KLHL13: variants seen among roughly 807,000 people sequenced by gnomAD.
KLHL13 encodes the protein kelch-like protein 13.
In KLHL13, 10 loss-of-function variants were observed where a neutral mutation model predicts 37.1. The ratio of observed to expected loss-of-function variants is 0.27; its 90% CI spans 0.17 to 0.46. The LOEUF (loss-of-function observed/expected upper bound fraction) is 0.46, where lower values mean the gene tolerates loss of function less well. Ranked by LOEUF, KLHL13 falls within the 20% of genes least tolerant of loss-of-function variation. KLHL13 has a pLI of 1.00. For missense variants in KLHL13, 360 were observed against 509.3 expected, an observed-to-expected ratio of 0.71 and a Z score of 2.82; for synonymous variants, 163 against 181.2, an observed-to-expected ratio of 0.90 and a Z score of 0.81.
At chrX:117,908,397 C>T (rs1414542263) in intron 5 of KLHL13, among the ~76,000 whole-genome samples, 6 of 108,717 alleles carry the variant, frequency 5.5e-5, no homozygotes, top group African/African-American at 1.3e-4. Context: ...TCCCCTAGCC[C>T]CCCAACCCCA....
At chrX:117,943,520 C>A (rs1467959340) in intron 2 of KLHL13, among the ~76,000 whole-genome samples, 2 of 109,019 alleles carry the variant, frequency 1.8e-5, no homozygotes, top group African/African-American at 6.7e-5. Flanking sequence ...AGGCTTTGTT[C>A]GTTTCTTTTC....
intron 2 of KLHL13, among the ~76,000 whole-genome samples, chrX:117,939,701 C>T (rs1602572394): frequency 9.0e-6 from 1 of 111,341 alleles, no homozygotes; most frequent in African/African-American, 3.3e-5. Flanking sequence ...TAATCATGAG[C>T]TTTTTTTTCA....
chrX:118,030,948 C>T (rs5956857), intron 1 of KLHL13, among the ~76,000 whole-genome samples: 6,158 of 111,881 alleles, frequency 0.055, 408 homozygotes, highest in African/African-American at 0.19. Context: ...TTTCAACCAA[C>T]CCTCCTACTG....
At chrX:117,914,537 T>C (rs1392070015) in intron 4 of KLHL13, among the ~76,000 whole-genome samples, 2 of 111,375 alleles carry the variant, frequency 1.8e-5, no homozygotes, top group East Asian at 5.6e-4. Context: ...TAGGAAGAAA[T>C]CCAACAAGGT....
intron 1 of KLHL13, among the ~76,000 whole-genome samples, chrX:118,002,630 A>AT (rs1271967882): frequency 1.0e-3 from 110 of 107,675 alleles, no homozygotes; most frequent in African/African-American, 3.7e-3. Flanking sequence ...AAATAAATAA[A>AT]TAAATAAATA....
At chrX:117,972,905 T>A in exon 1 of KLHL13, 1 of 1,167,521 alleles carries the variant, frequency 8.6e-7, no homozygotes. Flanking sequence ...CATTCCACAC[T>A]GTACTGACAC....
At chrX:117,976,777 TA>T (rs1264315617), upstream of KLHL13, among the ~76,000 whole-genome samples, 1 of 111,682 alleles carries the variant, frequency 9.0e-6, no homozygotes, top group Admixed American at 9.5e-5. Flanking sequence ...ACTAATCAGT[TA>T]AAAAATACCT....
intron 1 of KLHL13, among the ~76,000 whole-genome samples, chrX:118,056,285 A>T: frequency 8.9e-6 from 1 of 112,483 alleles, no homozygotes; most frequent in Middle Eastern, 4.6e-3. Context: ...TGGCAACTAT[A>T]AAACATTGCT....
upstream of KLHL13, among the ~76,000 whole-genome samples, chrX:117,975,653 A>G (rs2053589683): frequency 8.9e-6 from 1 of 112,144 alleles, no homozygotes; most frequent in Non-Finnish European, 1.9e-5. Context: ...GGCCTCCCAA[A>G]GTGCTGGGAT....
At chrX:117,981,629 T>C (rs184687212) in intron 1 of KLHL13, among the ~76,000 whole-genome samples, 1 of 111,982 alleles carries the variant, frequency 8.9e-6, no homozygotes, top group Admixed American at 9.5e-5. Context: ...TCAGAGACAC[T>C]TGAGCATTTT....
chrX:118,035,348 A>G (rs1429146948), intron 1 of KLHL13, among the ~76,000 whole-genome samples: 3 of 107,144 alleles, frequency 2.8e-5, no homozygotes, highest in African/African-American at 7.5e-5. Context: ...CCTCAATAAA[A>G]TACTGGCAAA....
At chrX:118,105,857 G>A (rs1457006218) in intron 1 of KLHL13, among the ~76,000 whole-genome samples, 4 of 106,508 alleles carry the variant, frequency 3.8e-5, no homozygotes, top group African/African-American at 1.4e-4. Flanking sequence ...CAATTGAAAG[G>A]CTACAGATAT....
intron 4 of KLHL13, among the ~76,000 whole-genome samples, chrX:117,912,829 T>C (rs191781297): frequency 3.0e-4 from 34 of 111,984 alleles, no homozygotes; most frequent in African/African-American, 1.1e-3. Context: ...ATAGCTCATA[T>C]ACAACAGCTA....
chrX:117,913,679 C>T (rs189349943), intron 4 of KLHL13, among the ~76,000 whole-genome samples: 1 of 110,734 alleles, frequency 9.0e-6, no homozygotes, highest in East Asian at 2.9e-4. Context: ...CCCATCTCTA[C>T]TAAAAATACA....
At chrX:118,053,798 T>TGAGAGAGAGAGAGGAGAG (rs2054646061) in intron 1 of KLHL13, among the ~76,000 whole-genome samples, 1 of 25,537 alleles carries the variant, frequency 3.9e-5, no homozygotes, top group African/African-American at 1.7e-4. Context: ...TGTGTGTGTG[T>TGAGAGAGAGAGAGGAGAG]GAGAGAGAGA....
chrX:117,953,694 C>G (rs1297999691), intron 1 of KLHL13, among the ~76,000 whole-genome samples: 3 of 111,476 alleles, frequency 2.7e-5, no homozygotes, highest in African/African-American at 6.5e-5. Flanking sequence ...CCCATTTATA[C>G]CAAGCCTAAA....
chrX:118,014,681 C>T (rs991367667), intron 1 of KLHL13, among the ~76,000 whole-genome samples: 9 of 112,352 alleles, frequency 8.0e-5, no homozygotes, highest in African/African-American at 1.6e-4. Flanking sequence ...TCGCCTCCAG[C>T]GGCCCAGCTA....
chrX:118,021,691 A>T, intron 1 of KLHL13, among the ~76,000 whole-genome samples: 1 of 109,029 alleles, frequency 9.2e-6, no homozygotes, highest in Non-Finnish European at 1.9e-5. Flanking sequence ...ATAGTGTCGC[A>T]ATAAACATAC....
At chrX:118,050,321 A>G in intron 1 of KLHL13, among the ~76,000 whole-genome samples, 1 of 112,403 alleles carries the variant, frequency 8.9e-6, no homozygotes, top group Middle Eastern at 4.6e-3. Context: ...TTTTTTGCCA[A>G]TATTGAAAGT....
Sources: gnomAD v4.1 joint callset for allele counts (sites outside exome capture counted in the v4.1 genomes callset) on GRCh38, gnomAD v4.1.1 for gene constraint, MANE v1.5 for transcripts, NCBI Gene and HGNC (gene_info 2026-07-23, HGNC 2026-07-21) for gene names.